CNBD1: variants seen among roughly 807,000 people sequenced by gnomAD.
CNBD1 encodes the protein cyclic nucleotide binding domain containing 1.
In CNBD1, 71 loss-of-function variants were observed where a neutral mutation model predicts 54.4. The observed-to-expected ratio is 1.30, with a 90% CI of 1.08 to 1.59. The LOEUF is 1.59. Ranked by LOEUF, CNBD1 falls within the 40% of genes most tolerant of loss-of-function variation. The pLI is 0.00. For synonymous variants in CNBD1, 182 were observed against 170.7 expected, an observed-to-expected ratio of 1.07 and a Z score of -0.51; for missense variants, 659 against 518.0, an observed-to-expected ratio of 1.27 and a Z score of -2.64.
intron 4 of CNBD1, among the ~76,000 whole-genome samples, chr8:86,972,201 C>T (rs180970942): frequency 3.1e-4 from 47 of 152,248 alleles, no homozygotes; most frequent in Admixed American, 5.2e-4. Context: ...CCACCCACCT[C>T]GGCCTCCCAA....
chr8:86,952,021 C>A (rs1225455407), intron 4 of CNBD1, among the ~76,000 whole-genome samples: 5 of 152,280 alleles, frequency 3.3e-5, no homozygotes, highest in Non-Finnish European at 7.3e-5. Context: ...GAGATAAATG[C>A]ATATCTAATT....
intron 4 of CNBD1, among the ~76,000 whole-genome samples, chr8:87,099,070 A>G (rs1249445279): frequency 6.7e-6 from 1 of 148,706 alleles, no homozygotes; most frequent in Non-Finnish European, 1.5e-5. Context: ...ACAAAACTCC[A>G]AATTTTGACC....
chr8:87,250,220 A>G (rs1246160377), intron 6 of CNBD1, among the ~76,000 whole-genome samples: 1 of 152,230 alleles, frequency 6.6e-6, no homozygotes, highest in East Asian at 1.9e-4. Flanking sequence ...GATATATGAA[A>G]GAATGCTCAA....
chr8:87,272,321 T>C (rs1808384898), intron 6 of CNBD1, among the ~76,000 whole-genome samples: 1 of 152,022 alleles, frequency 6.6e-6, no homozygotes, highest in Non-Finnish European at 1.5e-5. Context: ...TATGAAATCA[T>C]CACATGTATC....
intron 4 of CNBD1, among the ~76,000 whole-genome samples, chr8:87,153,159 G>A (rs1812642486): frequency 1.3e-5 from 2 of 152,064 alleles, no homozygotes; most frequent in South Asian, 4.1e-4. Flanking sequence ...GAATAGAAAA[G>A]CTATAGTTAC....
chr8:87,179,582 T>A (rs540988495), intron 4 of CNBD1, among the ~76,000 whole-genome samples: 1 of 152,276 alleles, frequency 6.6e-6, no homozygotes, highest in African/African-American at 2.4e-5. Context: ...AAGCCAAATG[T>A]AAGGATTGAT....
rs192034681 is a variant in CNBD1, at chr8:87,230,261, A to T, written c.578-6658A>T. Among the ~76,000 whole-genome samples the T allele has an allele frequency of 3.7e-3, 563 of 152,290 alleles. 3 individuals are homozygous for T. Among genetic ancestry groups the T allele is most frequent in the Non-Finnish European group, 5.4e-3 (369 of 68,028 alleles). ...TCCAATCACCTCCCACGGAGGCCACATCTCCAACACTGGGGATTACAATTC... is the reference window on the plus strand; with the variant it reads ...TCCAATCACCTCCCACGGAGGCCACTTCTCCAACACTGGGGATTACAATTC... On this transcript the variant is annotated intron_variant, in intron 5 of 10. Transcript: ENST00000518476.
chr8:87,109,290 C>T (rs531781009), intron 4 of CNBD1, among the ~76,000 whole-genome samples: 2 of 152,116 alleles, frequency 1.3e-5, no homozygotes, highest in South Asian at 2.1e-4. Flanking sequence ...ATTTAGCACT[C>T]GGAGGGTCCC....
Position 87,276,124 on chromosome 8 carries a change from A to G in CNBD1, c.772-8554A>G, listed in dbSNP as rs541281556. Among the ~76,000 whole-genome samples, 23 of 152,080 alleles carry G rather than the reference A, an allele frequency of 1.5e-4. No homozygotes were observed. In the East Asian group the frequency reaches 3.9e-3, roughly 26 times the overall value. On this transcript the variant is annotated intron_variant, in intron 6 of 10. Transcript: ENST00000518476. Reference sequence around the variant, plus strand: ...ACTCTCATTACTATCTAATACGTATATATAGTATAGGCATTGGAGAGTCTT... The same window carrying G: ...ACTCTCATTACTATCTAATACGTATGTATAGTATAGGCATTGGAGAGTCTT...
At chr8:86,870,984 T>C (rs1301289076) in intron 1 of CNBD1, among the ~76,000 whole-genome samples, 2 of 152,238 alleles carry the variant, frequency 1.3e-5, no homozygotes, top group African/African-American at 4.8e-5. Flanking sequence ...ACCTTAATTT[T>C]TTAGGATAAA....
At chr8:86,967,438 G>A (rs1488337348) in intron 4 of CNBD1, among the ~76,000 whole-genome samples, 1 of 152,218 alleles carries the variant, frequency 6.6e-6, no homozygotes, top group African/African-American at 2.4e-5. Context: ...CGGGAGCTCT[G>A]GTCCCAACTC....
At chr8:87,096,435 C>A (rs1811322693) in intron 4 of CNBD1, among the ~76,000 whole-genome samples, 1 of 151,570 alleles carries the variant, frequency 6.6e-6, no homozygotes, top group Non-Finnish European at 1.5e-5. Flanking sequence ...TTAATTACCA[C>A]CCTACTCCAA....
chr8:87,329,754 G>A (rs946502547), intron 8 of CNBD1, among the ~76,000 whole-genome samples: 12 of 151,698 alleles, frequency 7.9e-5, no homozygotes, highest in Admixed American at 3.9e-4. Context: ...CCTTGTATCC[G>A]CAACCCTTAT....
Position 87,033,660 on chromosome 8 carries a change from A to G in CNBD1, c.431+93906A>G, listed in dbSNP as rs1473908101. The stretch of plus-strand genomic sequence containing the variant: ...TGCTCATTTATCTTCCTTACTAATA[A>G]ATATACTTTCTGACATTTTCTTCCA... On this transcript the variant is annotated intron_variant, in intron 4 of 10. Transcript: ENST00000518476. Among the ~76,000 whole-genome samples the G allele has an allele frequency of 2.0e-5, 3 of 152,088 alleles. No homozygotes were observed. In the East Asian group the frequency reaches 5.8e-4, roughly 29 times the overall value.
intron 5 of CNBD1, among the ~76,000 whole-genome samples, chr8:87,229,238 C>T (rs1012955240): frequency 5.9e-5 from 9 of 152,178 alleles, no homozygotes; most frequent in Non-Finnish European, 1.3e-4. Flanking sequence ...GAGCTGTAGA[C>T]CGCAGCTGTT....
chr8:87,344,411 A>G (rs1216055950), intron 8 of CNBD1, among the ~76,000 whole-genome samples: 2 of 152,138 alleles, frequency 1.3e-5, no homozygotes, highest in African/African-American at 4.8e-5. Context: ...GGATTTTATC[A>G]TATCATTTTA....
Position 87,202,095 on chromosome 8 carries a change from C to T in CNBD1, c.432-3898C>T, listed in dbSNP as rs1400770717. Among the ~76,000 whole-genome samples, 4 of 152,052 alleles carry T rather than the reference C, an allele frequency of 2.6e-5. No individual in the cohort carries two copies. The South Asian group carries it at 8.3e-4, about 32-fold the overall frequency. ...GCCAAGAGAAGCTGGAATACGCAAACCCAGTAGCTGACAAGATAAAATTGA... is the reference window on the plus strand; with the variant it reads ...GCCAAGAGAAGCTGGAATACGCAAATCCAGTAGCTGACAAGATAAAATTGA... On this transcript the variant is annotated intron_variant, in intron 4 of 10. Coordinates refer to ENST00000518476, the MANE Select transcript of CNBD1 (RefSeq NM_173538.3).
chr8:87,099,053 A>AC (rs1404623665), intron 4 of CNBD1, among the ~76,000 whole-genome samples: 12 of 150,758 alleles, frequency 8.0e-5, no homozygotes, highest in Non-Finnish European at 1.8e-4. Context: ...AAAAAAAAAA[A>AC]AAAAAAACAA....
At chr8:87,370,949 T>A (rs1449001069) in intron 10 of CNBD1, among the ~76,000 whole-genome samples, 1 of 151,128 alleles carries the variant, frequency 6.6e-6, no homozygotes, top group East Asian at 1.9e-4. Context: ...TACATATGGC[T>A]AGCCAGTTTT....
Sources: gnomAD v4.1 joint callset for allele counts (sites outside exome capture counted in the v4.1 genomes callset) on GRCh38, gnomAD v4.1.1 for gene constraint, MANE v1.5 for transcripts, NCBI Gene and HGNC (gene_info 2026-07-23, HGNC 2026-07-21) for gene names.